The following CIT variants were observed in gnomAD, a reference collection of about 807,000 sequenced individuals.
CIT encodes the protein citron rho-interacting serine/threonine kinase.
Under a neutral mutation model 272.7 loss-of-function variants are expected in CIT, and 79 were observed. The observed-to-expected ratio is 0.29, with a 90% CI of 0.24 to 0.35. CIT has a LOEUF of 0.35. Among genes scored for constraint, CIT ranks in the 10% least tolerant of loss-of-function variants. The pLI, the probability that CIT is intolerant of heterozygous loss-of-function variation, is 1.00. For missense variants in CIT, 1,909 were observed against 2,618.3 expected (o/e 0.73, Z 5.91); for synonymous variants, 948 against 995.6 (o/e 0.95, Z 0.90).
intron 24 of CIT, among the ~76,000 whole-genome samples, chr12:119,739,542 A>G (rs754718775): frequency 1.1e-4 from 17 of 152,224 alleles, no homozygotes; most frequent in Non-Finnish European, 1.9e-4. Context: ...TGAACTTGCA[A>G]AAGTATAATT....
At chr12:119,720,141 T>C (rs967799329) in intron 30 of CIT, among the ~76,000 whole-genome samples, 2 of 152,224 alleles carry the variant, frequency 1.3e-5, no homozygotes, top group Non-Finnish European at 2.9e-5. Flanking sequence ...TCTAGAGTCA[T>C]GTATGCATGA....
At chr12:119,723,397 T>A (rs78744735) in intron 28 of CIT, among the ~76,000 whole-genome samples, 7,531 of 40,772 alleles carry the variant, frequency 0.18, 385 homozygotes, top group African/African-American at 0.29. Flanking sequence ...CCCTATACAT[T>A]AAAAAAAAAA....
At chr12:119,750,540 T>G (rs969587390) in intron 23 of CIT, among the ~76,000 whole-genome samples, 2 of 152,010 alleles carry the variant, frequency 1.3e-5, no homozygotes, top group Non-Finnish European at 2.9e-5. Context: ...CTATGGAACC[T>G]AAATGTGCAG....
At position 119,713,058 on chromosome 12, in the gene CIT, G is replaced by A; in HGVS notation, c.4579+145C>T. 1 of 699,496 alleles carries A rather than the reference G, an allele frequency of 1.4e-6. No homozygotes were observed. Among genetic ancestry groups the A allele is most frequent in the Non-Finnish European group, 2.5e-6 (1 of 396,220 alleles). 43.3% of individuals were successfully genotyped at this position (699,496 alleles called of 1,614,324 possible). Reference sequence around the variant, plus strand: ...GTGAGTATCGCACCAATAACCTTTAGAGAAGTCATTTGGTTTGTAAGTTTC... The same window carrying A: ...GTGAGTATCGCACCAATAACCTTTAAAGAAGTCATTTGGTTTGTAAGTTTC... On this transcript the variant is annotated intron_variant, in intron 35 of 47. Transcript: ENST00000392521. This position sits in a 1 kb window ranked among gnomAD's most constrained non-coding sequence, Gnocchi z 5.2.
At chr12:119,822,593 C>G (rs992532601) in intron 9 of CIT, among the ~76,000 whole-genome samples, 5 of 152,152 alleles carry the variant, frequency 3.3e-5, no homozygotes, top group Non-Finnish European at 7.3e-5. Flanking sequence ...ATTCTAAAGG[C>G]CACATAAACA....
At chr12:119,806,613 TCCCCACCCCAC>T (rs976021850) in intron 9 of CIT, among the ~76,000 whole-genome samples, 1 of 149,088 alleles carries the variant, frequency 6.7e-6, no homozygotes, top group Admixed American at 6.8e-5. Flanking sequence ...CAGGATTTTC[TCCCCACCCCAC>T]CCCCACCCCA....
chr12:119,827,875 G>T (rs985092120), intron 7 of CIT, among the ~76,000 whole-genome samples: 4 of 152,120 alleles, frequency 2.6e-5, no homozygotes. Flanking sequence ...ACCTAACTAC[G>T]CAATTGTTGA....
chr12:119,747,613 G>C (rs535249226), intron 23 of CIT, among the ~76,000 whole-genome samples: 1 of 146,922 alleles, frequency 6.8e-6, no homozygotes, highest in East Asian at 2.1e-4. Flanking sequence ...CCAGCTACTC[G>C]GGAGGCTGAG....
chr12:119,872,130 T>C (rs140495489), intron 2 of CIT, among the ~76,000 whole-genome samples: 5 of 152,364 alleles, frequency 3.3e-5, no homozygotes, highest in Admixed American at 3.3e-4. Flanking sequence ...AATGGTCCTT[T>C]ATTCTGAGAT....
intron 3 of CIT, among the ~76,000 whole-genome samples, chr12:119,863,189 G>A (rs988445795): frequency 3.3e-5 from 4 of 120,022 alleles, no homozygotes; most frequent in Non-Finnish European, 4.8e-5. Context: ...GCAACAGAGC[G>A]AGACTCTGTA....
At chr12:119,749,171 T>C (rs2137389986) in intron 23 of CIT, among the ~76,000 whole-genome samples, 1 of 152,332 alleles carries the variant, frequency 6.6e-6, no homozygotes. Context: ...GGCCCAGGGA[T>C]GGAGGCCAAA....
intron 13 of CIT, among the ~76,000 whole-genome samples, chr12:119,777,437 T>A (rs948910454): frequency 6.6e-6 from 1 of 151,832 alleles, no homozygotes; most frequent in Non-Finnish European, 1.5e-5. Flanking sequence ...TTTGGGAGGC[T>A]GAGGCAGGCG....
At chr12:119,779,770 T>C (rs1244287647) in intron 13 of CIT, among the ~76,000 whole-genome samples, 3 of 152,190 alleles carry the variant, frequency 2.0e-5, no homozygotes, top group Non-Finnish European at 4.4e-5. Context: ...GCAACCACTC[T>C]GTCAGCTCTC....
intron 5 of CIT, among the ~76,000 whole-genome samples, chr12:119,844,948 G>A (rs1169127331): frequency 3.3e-5 from 5 of 151,778 alleles, no homozygotes; most frequent in Non-Finnish European, 4.4e-5. Flanking sequence ...GTGAAACCCC[G>A]TCTCTACTAA....
chr12:119,733,434 TGAA>T (rs77496566), intron 26 of CIT, among the ~76,000 whole-genome samples: 36,201 of 149,710 alleles, frequency 0.24, 4,597 homozygotes, highest in Middle Eastern at 0.34. Flanking sequence ...CTTGGGAGGC[TGAA>T]GAAGGAGAAT....
chr12:119,876,263 T>C lies in CIT; in HGVS notation c.-13-82A>G, dbSNP rs1426975379. On this transcript the variant is annotated intron_variant, in intron 1 of 47. Transcript: ENST00000392521. ...AGAGATCCTGATCTCCCTCAAGATATCAGGGACAAGGAGGTGAAAATCAGC... is the reference window on the plus strand; with the variant it reads ...AGAGATCCTGATCTCCCTCAAGATACCAGGGACAAGGAGGTGAAAATCAGC... 7.2e-6 allele frequency: 6 copies of C among 835,228 alleles called. No homozygotes were observed. In the Admixed American group the frequency reaches 9.4e-5, roughly 13 times the overall value. The allele number at this position is 835,228 out of a possible 1,614,324, so 51.7% of individuals were successfully genotyped here.
intron 10 of CIT, among the ~76,000 whole-genome samples, chr12:119,798,245 C>A (rs1965908828): frequency 6.6e-6 from 1 of 152,104 alleles, no homozygotes; most frequent in Admixed American, 6.5e-5. Context: ...CACCCTGCCC[C>A]AACCTCATCA....
intron 2 of CIT, among the ~76,000 whole-genome samples, chr12:119,869,467 C>T (rs1270074111): frequency 6.6e-6 from 1 of 152,220 alleles, no homozygotes. Flanking sequence ...GAAAAGCTCC[C>T]TCACTCCTGA....
intron 1 of CIT, among the ~76,000 whole-genome samples, 162 bp downstream of exon 1, chr12:119,877,087 C>A (rs532840248): frequency 6.6e-6 from 1 of 152,144 alleles, no homozygotes; most frequent in Non-Finnish European, 1.5e-5. Flanking sequence ...GCGCGCACAG[C>A]TAGCCCCGGA....
Sources: allele counts gnomAD v4.1 joint callset (sites outside exome capture counted in the v4.1 genomes callset), GRCh38; gene constraint gnomAD v4.1.1; non-coding constraint Gnocchi (gnomAD v3.1); transcripts MANE v1.5; gene names NCBI Gene and HGNC (gene_info 2026-07-23, HGNC 2026-07-21).